CCDC57: variants seen among roughly 807,000 people sequenced by gnomAD.
CCDC57 encodes the protein coiled-coil domain containing 57, also known as coiled-coil domain-containing protein 57.
In CCDC57, 118 loss-of-function variants were observed where a neutral mutation model predicts 118.9. The observed-to-expected ratio is 0.99, with a 90% CI of 0.86 to 1.16. The LOEUF (loss-of-function observed/expected upper bound fraction) is 1.16, where lower values mean the gene tolerates loss of function less well. Ranked by LOEUF, CCDC57 falls within the 50% of genes most tolerant of loss-of-function variation. The pLI, the probability that CCDC57 is intolerant of heterozygous loss-of-function variation, is 0.00. For synonymous variants in CCDC57, 527 were observed against 532.9 expected, an observed-to-expected ratio of 0.99 and a Z score of 0.15; for missense variants, 1,300 against 1,320.7, an observed-to-expected ratio of 0.98 and a Z score of 0.24.
chr17:82,171,173 G>A (rs1338587297), intron 13 of CCDC57, among the ~76,000 whole-genome samples: 1 of 140,020 alleles, frequency 7.1e-6, no homozygotes, highest in Non-Finnish European at 1.5e-5. Flanking sequence ...GGGAGCACAA[G>A]GAATTCCATT....
intron 8 of CCDC57, among the ~76,000 whole-genome samples, chr17:82,187,751 T>G (rs1599303902): frequency 1.4e-5 from 1 of 72,390 alleles, no homozygotes; most frequent in Non-Finnish European, 2.6e-5. Flanking sequence ...TGGCGGGGGT[T>G]GCGGGGGGAG....
exon 3 of CCDC57, chr17:82,201,950 C>A: frequency 6.3e-7 from 1 of 1,585,252 alleles, no homozygotes; most frequent in Non-Finnish European, 8.6e-7. Flanking sequence ...AGCATGGTGG[C>A]CGCTGCAGTA....
chr17:82,178,428 CGCT>C, intron 11 of CCDC57, 43 bp downstream of exon 10: 1 of 1,544,468 alleles, frequency 6.5e-7, no homozygotes, highest in Non-Finnish European at 8.7e-7. Flanking sequence ...ATTTTCCCAC[CGCT>C]GCTGTTGAGC....
chr17:82,177,513 A>AT (rs2045679931), intron 11 of CCDC57, among the ~76,000 whole-genome samples: 1 of 152,172 alleles, frequency 6.6e-6, no homozygotes, highest in African/African-American at 2.4e-5. Flanking sequence ...GCACCATTGC[A>AT]CTTCAGCCTG....
At chr17:82,158,370 G>A (rs1164982556) in intron 14 of CCDC57, among the ~76,000 whole-genome samples, 1 of 152,172 alleles carries the variant, frequency 6.6e-6, no homozygotes, top group Non-Finnish European at 1.5e-5. Context: ...AGGCCAGGAA[G>A]TCGGAGGGCT....
At chr17:82,151,324 T>G (rs1309182659) in intron 16 of CCDC57, among the ~76,000 whole-genome samples, 1 of 57,568 alleles carries the variant, frequency 1.7e-5, no homozygotes, top group Non-Finnish European at 3.5e-5. Context: ...CAGAACCAGA[T>G]GCACACCCAG....
intron 11 of CCDC57, among the ~76,000 whole-genome samples, chr17:82,178,203 T>C (rs1048900722): frequency 6.6e-6 from 1 of 152,204 alleles, no homozygotes; most frequent in African/African-American, 2.4e-5. Context: ...CCTGAGGCAA[T>C]ATCATAAGAA....
intron 19 of CCDC57, among the ~76,000 whole-genome samples, chr17:82,125,298 G>C (rs776423727): frequency 6.6e-6 from 1 of 152,152 alleles, no homozygotes; most frequent in Non-Finnish European, 1.5e-5. Context: ...AGCACTTTGG[G>C]AGGCTGAAGC....
intron 15 of CCDC57, 36 bp downstream of exon 14, chr17:82,157,712 C>G (rs755253528): frequency 6.5e-7 from 1 of 1,546,610 alleles, no homozygotes; most frequent in South Asian, 1.2e-5. Flanking sequence ...TGGCAGGAAC[C>G]TCGGCGGGTG....
chr17:82,181,224 G>A lies in CCDC57; in HGVS notation c.1212-2035C>T, dbSNP rs116469734. Reference sequence around the variant, plus strand: ...AAATACACAGGAGAAGCCAACACCGGCTGGGCCAAGAGCAACTCGTGGGAA... The same window carrying A: ...AAATACACAGGAGAAGCCAACACCGACTGGGCCAAGAGCAACTCGTGGGAA... On this transcript the variant is annotated intron_variant, in intron 9 of 19. Transcript: ENST00000665763. 8.4e-3 allele frequency among the ~76,000 whole-genome samples: 1,282 copies of A among 152,344 alleles called. 12 individuals are homozygous for A. Among genetic ancestry groups the A allele is most frequent in the African/African-American group, 0.03 (1,229 of 41,582 alleles).
Position 82,118,893 on chromosome 17 carries a change from C to T in CCDC57, c.2899+8799G>A, listed in dbSNP as rs1479603919. On this transcript the variant is annotated intron_variant, in intron 19 of 19. Transcript: ENST00000665763. This position sits in a 1 kb window ranked among gnomAD's most constrained non-coding sequence, Gnocchi z 4.7. ...CATTTGTAAATACTCCATTCTACTT[C>T]TGCGTATTTTCGTGGTTTGCCTTGG... is the stretch of plus-strand genomic sequence containing the variant. 1.3e-5 allele frequency among the ~76,000 whole-genome samples: 2 copies of T among 151,814 alleles called. No individual in the cohort carries two copies. Among genetic ancestry groups the T allele is most frequent in the Non-Finnish European group, 2.9e-5 (2 of 67,974 alleles).
chr17:82,119,421 C>T (rs1419758905), intron 19 of CCDC57, among the ~76,000 whole-genome samples: 3 of 151,904 alleles, frequency 2.0e-5, no homozygotes, highest in African/African-American at 7.2e-5. Flanking sequence ...CATGCCCCTG[C>T]ACCTGTGGGT....
chr17:82,212,073 G>A lies in CCDC57; in HGVS notation c.-211+712C>T, dbSNP rs888977848. Among the ~76,000 whole-genome samples, 1 of 152,144 alleles carries A rather than the reference G, an allele frequency of 6.6e-6. No individual in the cohort carries two copies. The highest frequency in any genetic ancestry group is 2.4e-5 in the African/African-American group (1 of 41,406). ...GAAATCTAGCCCCTTCTTCGGGGCC[G>A]AGGGAATTTGCAGCTCTAGCAGTCT... On this transcript the variant is annotated intron_variant, in intron 1 of 19. Coordinates refer to ENST00000665763, the Ensembl canonical transcript of CCDC57. This position sits in a 1 kb window ranked among gnomAD's most constrained non-coding sequence, Gnocchi z 4.1.
At chr17:82,142,108 A>G (rs1303895105) in intron 16 of CCDC57, among the ~76,000 whole-genome samples, 1 of 152,216 alleles carries the variant, frequency 6.6e-6, no homozygotes, top group Non-Finnish European at 1.5e-5. Context: ...TGTTTAATGA[A>G]CAGAATACAA....
intron 19 of CCDC57, among the ~76,000 whole-genome samples, chr17:82,103,367 A>C (rs986547259): frequency 1.3e-5 from 2 of 151,840 alleles, no homozygotes; most frequent in African/African-American, 4.8e-5. Flanking sequence ...CTTTGTTTCC[A>C]ACCCCCAGAG....
intron 4 of CCDC57, among the ~76,000 whole-genome samples, chr17:82,197,704 C>T (rs1435429980): frequency 6.6e-6 from 1 of 152,180 alleles, no homozygotes; most frequent in Non-Finnish European, 1.5e-5. Flanking sequence ...AGGGTGTTTC[C>T]AGAAGAGACT....
At chr17:82,103,074 T>C (rs1006401014) in intron 19 of CCDC57, among the ~76,000 whole-genome samples, 1 of 152,126 alleles carries the variant, frequency 6.6e-6, no homozygotes, top group Non-Finnish European at 1.5e-5. Context: ...GAGCCCAGCC[T>C]GTGTGGTCTG....
At chr17:82,184,567 G>C (rs371511509) in intron 8 of CCDC57, among the ~76,000 whole-genome samples, 2 of 152,240 alleles carry the variant, frequency 1.3e-5, no homozygotes, top group African/African-American at 4.8e-5. Flanking sequence ...CTGCCCACTT[G>C]CATGGGCGTA....
Position 82,172,104 on chromosome 17 carries a change from G to T in CCDC57, c.1730-251C>A, listed in dbSNP as rs1423351250. ...CACAGTCTCCATGCTCTCCAGGAAG[G>T]GCTCAGTGATCAGGAGCAAATGCTC... is the stretch of plus-strand genomic sequence containing the variant. On this transcript the variant is annotated intron_variant, in intron 12 of 19. Transcript: ENST00000665763. The surrounding 1 kb of genome is among the most constrained non-coding windows in gnomAD (Gnocchi z 5.2). Among the ~76,000 whole-genome samples the T allele has an allele frequency of 2.0e-5, 3 of 152,174 alleles. No individual in the cohort carries two copies. The highest frequency in any genetic ancestry group is 4.4e-5 in the Non-Finnish European group (3 of 68,028).
Sources: allele counts gnomAD v4.1 joint callset (sites outside exome capture counted in the v4.1 genomes callset), GRCh38; gene constraint gnomAD v4.1.1; non-coding constraint Gnocchi (gnomAD v3.1); transcripts MANE v1.5; gene names NCBI Gene and HGNC (gene_info 2026-07-23, HGNC 2026-07-21).